MVP: variants seen among roughly 807,000 people sequenced by gnomAD.
MVP encodes lung resistance-related protein.
MVP carries 62 observed loss-of-function variants against 83.5 expected under a neutral mutation model. That is an observed-to-expected ratio of 0.74 (90% CI 0.61 to 0.92). The LOEUF is 0.92. MVP is among the 40% of genes least tolerant of loss of function. The pLI, the probability that MVP is intolerant of heterozygous loss-of-function variation, is 0.00. For missense variants in MVP, 1,000 were observed against 1,203.4 expected, an observed-to-expected ratio of 0.83 and a Z score of 2.50; for synonymous variants, 505 against 504.1, an observed-to-expected ratio of 1.00 and a Z score of -0.02.
intron 8 of MVP, 64 bp downstream of exon 8, chr16:29,840,523 G>A (rs2067526416): frequency 6.6e-7 from 1 of 1,506,198 alleles, no homozygotes; most frequent in African/African-American, 1.4e-5. Flanking sequence ...GGCTTCCTCT[G>A]GGTGTGTGGA....
Position 29,841,409 on chromosome 16 carries a change from G to A in MVP, c.1192-187G>A, listed in dbSNP as rs1382625343. Among the ~76,000 whole-genome samples, 1 of 152,202 alleles carries A rather than the reference G, an allele frequency of 6.6e-6. No homozygotes were observed. Among genetic ancestry groups the A allele is most frequent in the East Asian group, 1.9e-4 (1 of 5,188 alleles). ...ATGAGGAAACTGAAGCCCAAGGGGT[G>A]AGGTAGTTAGCCCACGATGACAGGG... On this transcript the variant is annotated intron_variant, in intron 8 of 14. Transcript: ENST00000357402. This position sits in a 1 kb window ranked among gnomAD's most constrained non-coding sequence, Gnocchi z 4.7.
chr16:29,846,314 T>C (rs1405328997), intron 13 of MVP, 30 bp downstream of exon 13: 8 of 1,538,806 alleles, frequency 5.2e-6, no homozygotes, highest in Non-Finnish European at 7.0e-6. Flanking sequence ...AAGAAGAGGG[T>C]GGCCTTGAGT....
intron 1 of MVP, among the ~76,000 whole-genome samples, chr16:29,825,246 C>T (rs1194724108): frequency 1.3e-5 from 2 of 152,140 alleles, no homozygotes; most frequent in Non-Finnish European, 1.5e-5. Flanking sequence ...CCGACTAGGG[C>T]AGGTCTCAGA....
At chr16:29,832,113 C>T (rs1191685314) in intron 3 of MVP, among the ~76,000 whole-genome samples, 1 of 151,978 alleles carries the variant, frequency 6.6e-6, no homozygotes, top group African/African-American at 2.4e-5. Context: ...CTTTACTAAC[C>T]AGTGCTGCTT....
At chr16:29,836,646 T>C (rs2067489421) in intron 6 of MVP, 76 bp from the exon 7 acceptor site, 1 of 1,178,550 alleles carries the variant, frequency 8.5e-7, no homozygotes, top group Non-Finnish European at 1.2e-6. Context: ...TTGGGAGCAT[T>C]TGGTGGCCAA....
chr16:29,830,177 A>G, intron 1 of MVP: 1 of 190,558 alleles, frequency 5.2e-6, no homozygotes, highest in Non-Finnish European at 1.1e-5. Flanking sequence ...ACCGTAAGAG[A>G]CTGGGAGCAC....
At chr16:29,826,113 G>C (rs2067403043) in intron 1 of MVP, 2 of 152,264 alleles carry the variant, frequency 1.3e-5, no homozygotes, top group Admixed American at 1.3e-4. Context: ...CCCAGCACTG[G>C]TTATATTCCC....
chr16:29,847,266 CTGGAGG>C lies in MVP; in HGVS notation c.2338_2343del (p.Glu780_Val781del). The C allele has an allele frequency of 6.2e-7, 1 of 1,613,674 alleles. No homozygotes were observed. The highest frequency in any genetic ancestry group is 1.7e-5 in the Admixed American group (1 of 59,966). On this transcript the variant is annotated inframe_deletion, in exon 14 of 15. Transcript: ENST00000357402. The stretch of plus-strand genomic sequence containing the variant: ...GGTCTATGCCCGGGCCCAGCTGGAG[CTGGAGG>C]TGAGCAAGGCTCAGCAGCTGGCTGA...
At chr16:29,836,491 C>T (rs957865422) in intron 6 of MVP, among the ~76,000 whole-genome samples, 3 of 151,596 alleles carry the variant, frequency 2.0e-5, no homozygotes, top group Non-Finnish European at 4.4e-5. Context: ...GCAGGAGAAT[C>T]GCTTGAACCT....
chr16:29,827,415 G>A (rs1398668065), intron 1 of MVP, among the ~76,000 whole-genome samples: 1 of 152,194 alleles, frequency 6.6e-6, no homozygotes, highest in African/African-American at 2.4e-5. Flanking sequence ...GTAAGCCCGG[G>A]CAGTCTGGGT....
chr16:29,846,264 C>G lies in MVP; in HGVS notation c.2245C>G (p.Gln749Glu), dbSNP rs772719274. The G allele has an allele frequency of 6.4e-7, 1 of 1,568,960 alleles. No individual in the cohort carries two copies. Among genetic ancestry groups the G allele is most frequent in the South Asian group, 1.2e-5 (1 of 85,966 alleles). ...CGTGCTGCAGGCCAAGCTAAAAGCA[C>G]AGGCCTTGGCCATTGAAACGGTGAG... ...GSVLQAKLKA[Q>E]ALAIETEAEL... Residue 749 changes from glutamine (Q) to glutamate (E), a missense_variant, in exon 13 of 15, where the codon CAG (glutamine) becomes GAG (glutamate). Physicochemically the swap from Gln to Glu is conservative, Grantham distance 29 (BLOSUM62 2). Transcript: ENST00000357402.
intron 1 of MVP, among the ~76,000 whole-genome samples, chr16:29,824,231 A>AAAC (rs2067389235): frequency 7.2e-6 from 1 of 139,164 alleles, no homozygotes; most frequent in African/African-American, 2.9e-5. Flanking sequence ...AAAAAAAAAA[A>AAAC]AAAAAAAAAA....
intron 3 of MVP, chr16:29,831,900 C>T (rs764768448): frequency 6.4e-5 from 22 of 344,682 alleles, no homozygotes; most frequent in Non-Finnish European, 9.2e-5. Context: ...CCTGTTCTTC[C>T]ACCTTTACCT....
intron 11 of MVP, among the ~76,000 whole-genome samples, 171 bp downstream of exon 11, chr16:29,845,050 C>T (rs1012580911): frequency 2.6e-5 from 4 of 152,004 alleles, no homozygotes; most frequent in Non-Finnish European, 4.4e-5. Flanking sequence ...AGGCTGGGCG[C>T]GGTGGCTCAT....
rs948035544 is a variant in MVP, at chr16:29,841,083, G to A, written c.1192-513G>A. On this transcript the variant is annotated intron_variant, in intron 8 of 14. Coordinates refer to ENST00000357402, the MANE Select transcript of MVP (RefSeq NM_005115.5). The surrounding 1 kb of genome is among the most constrained non-coding windows in gnomAD (Gnocchi z 4.7). ...ACCTCCTCCCTCATGCCCATATCCC[G>A]GTGGAATCTTTCATTTTTTTCTGCT... 2.0e-5 allele frequency among the ~76,000 whole-genome samples: 3 copies of A among 152,068 alleles called. No homozygotes were observed. Among genetic ancestry groups the A allele is most frequent in the East Asian group, 3.9e-4 (2 of 5,170 alleles).
At chr16:29,843,928 T>A (rs1187430225) in intron 10 of MVP, among the ~76,000 whole-genome samples, 1 of 152,122 alleles carries the variant, frequency 6.6e-6, no homozygotes, top group Non-Finnish European at 1.5e-5. Flanking sequence ...CCCAAGCATG[T>A]CCCTCACCTC....
At position 29,835,686 on chromosome 16, in the gene MVP, C is replaced by G; in HGVS notation, c.578-18C>G. ...AGGCTGGGGGGCCCTTGTCCCTTAC[C>G]CTCCACTCTTGGCCCAGGGGAAGAA... is the stretch of plus-strand genomic sequence containing the variant. On this transcript the variant is annotated intron_variant, in intron 5 of 14. Transcript: ENST00000357402. The G allele has an allele frequency of 1.2e-6, 2 of 1,611,306 alleles. No homozygotes were observed. Among genetic ancestry groups the G allele is most frequent in the African/African-American group, 1.3e-5 (1 of 74,874 alleles).
In MVP at chr16:29,836,934, G is replaced by C. The variant is rs1234101220; in HGVS notation, c.885G>C (p.Gln295His). Residue 295 changes from glutamine (Q) to histidine (H), a missense_variant, in exon 7 of 15, where the codon CAG becomes CAC. Physicochemically the swap from Gln to His is conservative, Grantham distance 24 (BLOSUM62 0). Coordinates refer to ENST00000357402, the MANE Select transcript of MVP (RefSeq NM_005115.5). Reference protein sequence around the residue: ...LDPVGPDGKNQLGQKRVVKGE... With the variant: ...LDPVGPDGKNHLGQKRVVKGE... ...CTGTCGGACCGGATGGCAAGAATCA[G>C]CTGGGGCAGAAGCGCGTGGTCAAGG... The C allele has an allele frequency of 6.2e-7, 1 of 1,613,606 alleles. No individual in the cohort carries two copies. Among genetic ancestry groups the C allele is most frequent in the Non-Finnish European group, 8.5e-7 (1 of 1,179,770 alleles).
Position 29,830,928 on chromosome 16 carries a change from GCA to G in MVP, c.179_180del (p.Thr60SerfsTer16). Reference sequence around the variant, plus strand: ...GTGACCGTCCCCCCACGTCACTACTGCACAGTGGCCAACCCTGTGTCTCGGGA... The same window carrying G: ...GTGACCGTCCCCCCACGTCACTACTGCAGTGGCCAACCCTGTGTCTCGGGA... On this transcript the variant is annotated frameshift_variant, in exon 3 of 15. Coordinates refer to ENST00000357402, the MANE Select transcript of MVP (RefSeq NM_005115.5). LOFTEE classifies it high-confidence loss of function. 1 of 1,614,004 alleles carries G rather than the reference GCA, an allele frequency of 6.2e-7. No individual in the cohort carries two copies. Among genetic ancestry groups the G allele is most frequent in the Non-Finnish European group, 8.5e-7 (1 of 1,179,990 alleles).
Sources: allele counts gnomAD v4.1 joint callset (sites outside exome capture counted in the v4.1 genomes callset), GRCh38; gene constraint gnomAD v4.1.1; non-coding constraint Gnocchi (gnomAD v3.1); transcripts MANE v1.5; gene names NCBI Gene and HGNC (gene_info 2026-07-23, HGNC 2026-07-21).